The following MAGI2 variants were observed in gnomAD, a reference collection of about 807,000 sequenced individuals.
The protein encoded by MAGI2 is membrane-associated guanylate kinase, WW and PDZ domain-containing protein 2.
Under a neutral mutation model 133.3 loss-of-function variants are expected in MAGI2, and 35 were observed. That is an observed-to-expected ratio of 0.26 (90% confidence interval 0.20 to 0.35). The LOEUF is 0.35. Among genes scored for constraint, MAGI2 ranks in the 10% least tolerant of loss-of-function variants. MAGI2 has a pLI of 1.00. For missense variants in MAGI2, 1,636 were observed against 1,863.4 expected (o/e 0.88, Z 2.25); for synonymous variants, 729 against 710.6 (o/e 1.03, Z -0.41).
At chr7:79,179,057 A>G (rs1372946756) in intron 1 of MAGI2, among the ~76,000 whole-genome samples, 2 of 151,982 alleles carry the variant, frequency 1.3e-5, no homozygotes, top group Non-Finnish European at 2.9e-5. Context: ...AGCAAACATC[A>G]TAAACAACAA....
chr7:79,092,969 T>A (rs1025770997), intron 1 of MAGI2, among the ~76,000 whole-genome samples: 1 of 152,142 alleles, frequency 6.6e-6, no homozygotes, highest in African/African-American at 2.4e-5. Flanking sequence ...TCAAGTTACA[T>A]AGAAATAAAT....
At chr7:78,104,650 T>A (rs1257711166) in intron 20 of MAGI2, among the ~76,000 whole-genome samples, 1 of 152,178 alleles carries the variant, frequency 6.6e-6, no homozygotes, top group East Asian at 1.9e-4. Context: ...TTCACACTTT[T>A]AAGTCTTTCC....
chr7:78,539,837 A>C (rs1445905881), intron 3 of MAGI2, among the ~76,000 whole-genome samples: 1 of 152,040 alleles, frequency 6.6e-6, no homozygotes, highest in Admixed American at 6.6e-5. Context: ...TAGTTGTTTT[A>C]TTTACTGTGC....
intron 1 of MAGI2, among the ~76,000 whole-genome samples, chr7:79,077,833 A>C (rs1815672893): frequency 1.3e-5 from 2 of 152,092 alleles, no homozygotes; most frequent in Admixed American, 6.6e-5. Flanking sequence ...ACTATAGTCT[A>C]ATCAGTGCTA....
At chr7:79,450,321 T>A (rs772805475) in intron 1 of MAGI2, among the ~76,000 whole-genome samples, 1 of 151,894 alleles carries the variant, frequency 6.6e-6, no homozygotes, top group African/African-American at 2.4e-5. Context: ...ACACAGGCAC[T>A]ATAGTAAAGG....
At chr7:78,322,676 G>A (rs1478572090) in intron 9 of MAGI2, among the ~76,000 whole-genome samples, 1 of 151,996 alleles carries the variant, frequency 6.6e-6, no homozygotes, top group African/African-American at 2.4e-5. Context: ...AGTTTGATGG[G>A]TCCAGCAAAC....
At chr7:78,723,067 A>C (rs12540572) in intron 2 of MAGI2, among the ~76,000 whole-genome samples, 8,261 of 152,252 alleles carry the variant, frequency 0.054, 271 homozygotes, top group Non-Finnish European at 0.069. Context: ...GGCCACCTTA[A>C]GATATTAAGT....
intron 9 of MAGI2, among the ~76,000 whole-genome samples, chr7:78,323,943 C>A (rs1788278755): frequency 6.6e-6 from 1 of 151,948 alleles, no homozygotes; most frequent in African/African-American, 2.4e-5. Context: ...GGAAATAAAC[C>A]CATGCTGGTA....
chr7:79,105,863 T>C (rs962575570), intron 1 of MAGI2, among the ~76,000 whole-genome samples: 1 of 152,120 alleles, frequency 6.6e-6, no homozygotes, highest in Admixed American at 6.5e-5. Flanking sequence ...AAACTTGCAT[T>C]AAGCAGACTT....
intron 1 of MAGI2, among the ~76,000 whole-genome samples, chr7:79,020,549 G>C (rs1178632184): frequency 6.6e-6 from 1 of 152,090 alleles, no homozygotes; most frequent in Non-Finnish European, 1.5e-5. Context: ...GGCTGATCAT[G>C]AGGTCAGGAG....
At chr7:79,328,746 T>G (rs1839868927) in intron 1 of MAGI2, among the ~76,000 whole-genome samples, 2 of 151,904 alleles carry the variant, frequency 1.3e-5, no homozygotes, top group Non-Finnish European at 2.9e-5. Flanking sequence ...AGAGTTAACA[T>G]TTTCCTTTTT....
intron 1 of MAGI2, among the ~76,000 whole-genome samples, chr7:79,144,303 TC>T (rs1822412327): frequency 6.6e-6 from 1 of 152,146 alleles, no homozygotes; most frequent in Admixed American, 6.5e-5. Flanking sequence ...GGAATTGTAA[TC>T]CCCAGTGGTT....
chr7:78,869,080 G>T (rs1794825314), intron 2 of MAGI2, among the ~76,000 whole-genome samples: 1 of 152,164 alleles, frequency 6.6e-6, no homozygotes, highest in Non-Finnish European at 1.5e-5. Context: ...AAAGGATTAA[G>T]ATTGTCATCA....
chr7:78,284,135 A>C (rs955706787), intron 9 of MAGI2, among the ~76,000 whole-genome samples: 2 of 152,170 alleles, frequency 1.3e-5, no homozygotes, highest in African/African-American at 4.8e-5. Flanking sequence ...CACACAGTAT[A>C]TAACATGGTG....
chr7:78,065,618 G>C, intron 21 of MAGI2: 1 of 700,446 alleles, frequency 1.4e-6, no homozygotes, highest in East Asian at 2.7e-5. Flanking sequence ...GGGGACCCAT[G>C]CTTGTCACTT....
intron 1 of MAGI2, among the ~76,000 whole-genome samples, chr7:79,273,096 T>C (rs1351361152): frequency 6.6e-6 from 1 of 152,100 alleles, no homozygotes; most frequent in Non-Finnish European, 1.5e-5. Context: ...CAGCAAATAT[T>C]CTTTCAGCTG....
intron 2 of MAGI2, among the ~76,000 whole-genome samples, chr7:78,644,481 A>C (rs1810636858): frequency 6.6e-6 from 1 of 152,194 alleles, no homozygotes. Context: ...CAATAAAATT[A>C]ATTTAGAAAC....
At chr7:78,830,528 C>T (rs755382297) in intron 2 of MAGI2, among the ~76,000 whole-genome samples, 1 of 152,074 alleles carries the variant, frequency 6.6e-6, no homozygotes, top group African/African-American at 2.4e-5. Flanking sequence ...AAAATTTGCT[C>T]ATATTCACTT....
intron 1 of MAGI2, among the ~76,000 whole-genome samples, chr7:79,107,783 G>C (rs1455763022): frequency 6.6e-6 from 1 of 152,092 alleles, no homozygotes; most frequent in Admixed American, 6.5e-5. Flanking sequence ...TGGTCATCTA[G>C]TCTTTGATTG....
Sources: allele counts gnomAD v4.1 joint callset (sites outside exome capture counted in the v4.1 genomes callset), GRCh38; gene constraint gnomAD v4.1.1; transcripts MANE v1.5; gene names NCBI Gene and HGNC (gene_info 2026-07-23, HGNC 2026-07-21).